Variants in SMCO2 observed in about 807,000 individuals in gnomAD.
SMCO2 encodes the protein single-pass membrane protein with coiled-coil domains 2.
SMCO2 carries 25 observed loss-of-function variants against 29.5 expected under a neutral mutation model. The observed-to-expected ratio is 0.85, with a 90% CI of 0.62 to 1.18. The LOEUF (loss-of-function observed/expected upper bound fraction) is 1.18. Among genes scored for constraint, SMCO2 ranks in the 50% most tolerant of loss-of-function variants. The pLI is 0.00. For missense variants in SMCO2, 348 were observed against 344.5 expected, an observed-to-expected ratio of 1.01 and a Z score of -0.08; for synonymous variants, 117 against 123.3, an observed-to-expected ratio of 0.95 and a Z score of 0.34.
At chr12:27,471,215 C>A (rs973379984) in intron 2 of SMCO2, among the ~76,000 whole-genome samples, 3 of 152,176 alleles carry the variant, frequency 2.0e-5, no homozygotes, top group Middle Eastern at 3.4e-3. Flanking sequence ...AAAGATTTTC[C>A]AAGAATCCCT....
At chr12:27,464,813 A>C (rs1370471677), upstream of SMCO2, among the ~76,000 whole-genome samples, 1 of 148,708 alleles carries the variant, frequency 6.7e-6, no homozygotes, top group East Asian at 2.0e-4. Flanking sequence ...CGAGGTCGGG[A>C]GATCAAGACC....
At chr12:27,449,830 A>T in the SMCO2 span, among the ~76,000 whole-genome samples, 23 of 152,304 alleles carry the variant, frequency 1.5e-4, no homozygotes, top group South Asian at 3.1e-3. Context: ...CCCATTAGAG[A>T]ACCAAAAGGA....
At chr12:27,457,815 A>T in the SMCO2 span, among the ~76,000 whole-genome samples, 1 of 152,242 alleles carries the variant, frequency 6.6e-6, no homozygotes, top group Non-Finnish European at 1.5e-5. Flanking sequence ...CGTAACCAGT[A>T]CTTCTGGTTA....
the SMCO2 span, among the ~76,000 whole-genome samples, chr12:27,443,417 T>C: frequency 6.6e-6 from 1 of 152,132 alleles, no homozygotes; most frequent in Non-Finnish European, 1.5e-5. Flanking sequence ...TCATAGTGAA[T>C]AGGGAAAAAT....
At chr12:27,465,043 A>AG (rs1181666315), upstream of SMCO2, among the ~76,000 whole-genome samples, 28 of 150,758 alleles carry the variant, frequency 1.9e-4, no homozygotes. Flanking sequence ...AAAAAAAAAA[A>AG]AAAAAAAAGA....
intron 4 of SMCO2, among the ~76,000 whole-genome samples, chr12:27,486,097 T>C (rs1949687025): frequency 6.6e-6 from 1 of 152,252 alleles, no homozygotes; most frequent in South Asian, 2.1e-4. Context: ...GCTTGATCTT[T>C]AGAGATTGTT....
In SMCO2 at chr12:27,475,017, A is replaced by G. The variant is rs1309461810; in HGVS notation, c.362+104A>G. On this transcript the variant is annotated intron_variant, in intron 4 of 7. Transcript: ENST00000298876. ...AAAGTCTGGAAGATTTAAAATCCAT[A>G]CATGTCTTGAACCATAAAGCAGTCC... 1.2e-5 allele frequency: 17 copies of G among 1,374,936 alleles called. No homozygotes were observed. The East Asian group carries it at 1.8e-4, about 14-fold the overall frequency. The allele number at this position is 1,374,936 out of a possible 1,614,324, so 85.2% of individuals were successfully genotyped here.
upstream of SMCO2, among the ~76,000 whole-genome samples, chr12:27,463,863 T>C (rs759487976): frequency 9.2e-5 from 14 of 152,186 alleles, no homozygotes; most frequent in Admixed American, 1.3e-4. Flanking sequence ...AGAGATAAGA[T>C]GGCAGCCCAA....
chr12:27,473,901 G>A (rs1250772792), intron 3 of SMCO2, among the ~76,000 whole-genome samples: 1 of 152,182 alleles, frequency 6.6e-6, no homozygotes, highest in Non-Finnish European at 1.5e-5. Context: ...ATTTTTGCAT[G>A]CAGAGACTTG....
chr12:27,465,413 T>C (rs1441658616), upstream of SMCO2, among the ~76,000 whole-genome samples: 1 of 152,112 alleles, frequency 6.6e-6, no homozygotes, highest in African/African-American at 2.4e-5. Flanking sequence ...ATAGTCATGA[T>C]ATAAGGTGGG....
At chr12:27,432,832 A>G in the SMCO2 span, among the ~76,000 whole-genome samples, 1 of 152,256 alleles carries the variant, frequency 6.6e-6, no homozygotes, top group Non-Finnish European at 1.5e-5. Context: ...CAGATTCACA[A>G]TGATTACAAG....
chr12:27,498,314 C>A, intron 7 of SMCO2: 1 of 229,548 alleles, frequency 4.4e-6, no homozygotes, highest in South Asian at 7.6e-5. Flanking sequence ...TATTTTGCAC[C>A]ATGAGAAAGA....
At chr12:27,479,508 G>T (rs410222) in intron 4 of SMCO2, among the ~76,000 whole-genome samples, 18,319 of 152,196 alleles carry the variant, frequency 0.12, 2,128 homozygotes, top group African/African-American at 0.28. Flanking sequence ...TATCCATATC[G>T]ATAGCTGCAT....
intron 1 of SMCO2, among the ~76,000 whole-genome samples, chr12:27,469,660 G>T (rs408540): frequency 0.1 from 15,363 of 152,174 alleles, 1,235 homozygotes; most frequent in African/African-American, 0.22. Context: ...AAGAGAAGGT[G>T]TCTTCCTGTT....
intron 3 of SMCO2, chr12:27,473,245 G>A (rs402266): frequency 0.11 from 21,588 of 201,494 alleles, 2,402 homozygotes; most frequent in African/African-American, 0.28. Context: ...TTATCTTCCA[G>A]TAGAATTCAG....
chr12:27,455,334 C>A, the SMCO2 span, among the ~76,000 whole-genome samples: 6 of 152,160 alleles, frequency 3.9e-5, no homozygotes, highest in African/African-American at 1.4e-4. Context: ...ATATTTATTA[C>A]TATTACAAAT....
chr12:27,495,092 A>G (rs1942981510), intron 6 of SMCO2, among the ~76,000 whole-genome samples: 1 of 152,178 alleles, frequency 6.6e-6, no homozygotes, highest in African/African-American at 2.4e-5. Flanking sequence ...CAAATGAGAC[A>G]ATGAAAGAAT....
chr12:27,484,154 G>A (rs1197732750), intron 4 of SMCO2, among the ~76,000 whole-genome samples: 1 of 152,224 alleles, frequency 6.6e-6, no homozygotes, highest in Non-Finnish European at 1.5e-5. Context: ...ACTTTGGGAG[G>A]TCAAGGTGGG....
chr12:27,477,714 C>A (rs1949602313), intron 4 of SMCO2, among the ~76,000 whole-genome samples: 1 of 136,180 alleles, frequency 7.3e-6, no homozygotes, highest in South Asian at 2.3e-4. Context: ...TCTGCTTGAT[C>A]TAGTCTATTA....
Sources: allele counts gnomAD v4.1 joint callset (sites outside exome capture counted in the v4.1 genomes callset), GRCh38; gene constraint gnomAD v4.1.1; transcripts MANE v1.5; gene names NCBI Gene and HGNC (gene_info 2026-07-23, HGNC 2026-07-21).